RGL1: variants seen among roughly 807,000 people sequenced by gnomAD.
RGL1 encodes the protein ral guanine nucleotide dissociation stimulator like 1.
RGL1 carries 24 observed loss-of-function variants against 95.2 expected under a neutral mutation model. The ratio of observed to expected loss-of-function variants is 0.25; its 90% CI spans 0.18 to 0.35. The LOEUF (loss-of-function observed/expected upper bound fraction) is 0.35, where lower values mean the gene tolerates loss of function less well. RGL1 is among the 10% of genes least tolerant of loss of function. The probability of loss-of-function intolerance (pLI) is 1.00; values close to 1 mark genes in which losing one functional copy is unlikely to be tolerated. For missense variants in RGL1, 715 were observed against 936.3 expected, an observed-to-expected ratio of 0.76 and a Z score of 3.08; for synonymous variants, 329 against 344.9, an observed-to-expected ratio of 0.95 and a Z score of 0.51.
intron 5 of RGL1, 57 bp from the exon 6 acceptor site, chr1:183,883,729 A>G: frequency 6.3e-7 from 1 of 1,598,302 alleles, no homozygotes; most frequent in Non-Finnish European, 8.5e-7. Context: ...TGATGACTCT[A>G]TAAGCAAGAT....
intron 1 of RGL1, among the ~76,000 whole-genome samples, chr1:183,682,619 G>A (rs541154715): frequency 9.9e-5 from 15 of 152,274 alleles, no homozygotes; most frequent in Non-Finnish European, 1.5e-5. Flanking sequence ...AGTGCGATGA[G>A]GTGCTGAGAA....
chr1:183,733,274 A>G (rs1241475777), intron 1 of RGL1, among the ~76,000 whole-genome samples: 1 of 152,196 alleles, frequency 6.6e-6, no homozygotes, highest in Non-Finnish European at 1.5e-5. Context: ...AAATGTCACT[A>G]TGTTATGTCA....
At chr1:183,900,822 T>G (rs1195104508) in intron 11 of RGL1, among the ~76,000 whole-genome samples, 4 of 151,586 alleles carry the variant, frequency 2.6e-5, no homozygotes, top group African/African-American at 9.7e-5. Context: ...TGAACTCTTA[T>G]GAGGGGTTGT....
rs922899616 is a variant in RGL1 at position 183,758,398 on chromosome 1, C to T, written c.132+16109C>T. 1.2e-4 allele frequency among the ~76,000 whole-genome samples: 18 copies of T among 152,132 alleles called. No homozygotes were observed. In the East Asian group the frequency reaches 1.4e-3, roughly 11 times the overall value. ...TATTTTAGTAGAGACGGGGTTTCAC[C>T]GTGTTAGCCAGGATGGTCTCGATCT... On this transcript the variant is annotated intron_variant, in intron 2 of 18. Transcript: ENST00000304685.
intron 1 of RGL1, among the ~76,000 whole-genome samples, chr1:183,640,131 C>T (rs768396886): frequency 6.6e-6 from 1 of 152,152 alleles, no homozygotes; most frequent in Non-Finnish European, 1.5e-5. Flanking sequence ...GCCACTGTGC[C>T]TGGCCAAAGG....
At chr1:183,789,898 C>T (rs1004681850) in intron 2 of RGL1, among the ~76,000 whole-genome samples, 1 of 150,454 alleles carries the variant, frequency 6.6e-6, no homozygotes, top group African/African-American at 2.4e-5. Context: ...TACATTTGCA[C>T]CAACCTAATA....
intron 1 of RGL1, among the ~76,000 whole-genome samples, chr1:183,734,970 C>T (rs2102238956): frequency 6.6e-6 from 1 of 152,270 alleles, no homozygotes; most frequent in Non-Finnish European, 1.5e-5. Context: ...TGTGTTGGCC[C>T]TCTGTGCCGA....
At chr1:183,715,818 A>C (rs375342307) in intron 1 of RGL1, among the ~76,000 whole-genome samples, 13 of 152,104 alleles carry the variant, frequency 8.5e-5, no homozygotes, top group African/African-American at 3.1e-4. Flanking sequence ...GAATTGGCTC[A>C]TGTGGTTATG....
Position 183,926,564 on chromosome 1 carries a change from A to T in RGL1, c.*272A>T, listed in dbSNP as rs1022734593. On this transcript the variant is annotated 3_prime_UTR_variant, in exon 18 of 18. Transcript: ENST00000360851. ...CAACATTTAAAACATATATATGCAC[A>T]TGTATTTGGTATGCATGTGTATCTA... 2 of 235,018 alleles carry T rather than the reference A, an allele frequency of 8.5e-6. No homozygotes were observed. Among genetic ancestry groups the T allele is most frequent in the Non-Finnish European group, 1.7e-5 (2 of 120,222 alleles). The allele number at this position is 235,018 out of a possible 1,614,324, so 14.6% of individuals were successfully genotyped here.
chr1:183,814,270 T>G (rs1661928658), intron 2 of RGL1, among the ~76,000 whole-genome samples: 1 of 152,170 alleles, frequency 6.6e-6, no homozygotes, highest in South Asian at 2.1e-4. Flanking sequence ...TACCTGTGTC[T>G]TTCCACTGAT....
chr1:183,816,956 A>AC (rs1429323867), intron 2 of RGL1, among the ~76,000 whole-genome samples: 1 of 152,056 alleles, frequency 6.6e-6, no homozygotes, highest in Non-Finnish European at 1.5e-5. Context: ...GGAAAAAAAA[A>AC]CCCCATACTC....
chr1:183,641,613 T>G (rs947222073), intron 1 of RGL1, among the ~76,000 whole-genome samples: 1 of 152,234 alleles, frequency 6.6e-6, no homozygotes, highest in Non-Finnish European at 1.5e-5. Flanking sequence ...TCCATAGTTT[T>G]ATTTATTTGT....
At chr1:183,700,483 G>C (rs1654525128) in intron 1 of RGL1, among the ~76,000 whole-genome samples, 2 of 150,528 alleles carry the variant, frequency 1.3e-5, no homozygotes, top group Non-Finnish European at 3.0e-5. Flanking sequence ...TGCAGAATGT[G>C]CAGTTTTGTT....
chr1:183,708,874 G>A (rs943384962), intron 1 of RGL1, among the ~76,000 whole-genome samples: 5 of 152,210 alleles, frequency 3.3e-5, no homozygotes, highest in African/African-American at 4.8e-5. Context: ...CAAGGGACGC[G>A]GACCGGGGCC....
At chr1:183,813,866 CCTCTCAGTCTCACTCA>C (rs1661894421) in intron 2 of RGL1, among the ~76,000 whole-genome samples, 1 of 152,194 alleles carries the variant, frequency 6.6e-6, no homozygotes. Context: ...ACTGCTACCT[CCTCTCAGTCTCACTCA>C]CTCTCTCACT....
chr1:183,876,460 C>G (rs775800840), intron 4 of RGL1, among the ~76,000 whole-genome samples: 1 of 152,206 alleles, frequency 6.6e-6, no homozygotes, highest in African/African-American at 2.4e-5. Context: ...GGCCACCTAC[C>G]CGGCATACTT....
In RGL1 at chr1:183,742,950, C is replaced by T. The variant is rs184756467; in HGVS notation, c.132+661C>T. On this transcript the variant is annotated intron_variant, in intron 2 of 18. Transcript: ENST00000304685. Reference sequence around the variant, plus strand: ...CCAGATCATGGAAAGGCCTAATTTCCCTGAGCTTGGGTTGTGACCATCTTT... The same window carrying T: ...CCAGATCATGGAAAGGCCTAATTTCTCTGAGCTTGGGTTGTGACCATCTTT... Among the ~76,000 whole-genome samples, 22 of 152,170 alleles carry T rather than the reference C, an allele frequency of 1.4e-4. No homozygotes were observed. The East Asian group carries it at 4.1e-3, about 28-fold the overall frequency.
chr1:183,663,032 C>T (rs888005802), intron 1 of RGL1, among the ~76,000 whole-genome samples: 2 of 151,362 alleles, frequency 1.3e-5, no homozygotes, highest in African/African-American at 4.8e-5. Flanking sequence ...AAACTGGATC[C>T]CTTCCTTACA....
At chr1:183,645,639 T>A (rs1650237329) in intron 1 of RGL1, among the ~76,000 whole-genome samples, 1 of 152,238 alleles carries the variant, frequency 6.6e-6, no homozygotes, top group South Asian at 2.1e-4. Flanking sequence ...CACTGCGTAG[T>A]GAGCAAGGAA....
Sources: gnomAD v4.1 joint callset for allele counts (sites outside exome capture counted in the v4.1 genomes callset) on GRCh38, gnomAD v4.1.1 for gene constraint, MANE v1.5 for transcripts, NCBI Gene and HGNC (gene_info 2026-07-23, HGNC 2026-07-21) for gene names.